Variants in LRRC72 observed in about 807,000 individuals in gnomAD.
LRRC72 encodes leucine rich repeat containing 72, also known as leucine-rich repeat-containing protein 72.
Under a neutral mutation model 35.8 loss-of-function variants are expected in LRRC72, and 41 were observed. The observed-to-expected ratio is 1.15, with a 90% confidence interval of 0.89 to 1.49. The LOEUF is 1.49. Among genes scored for constraint, LRRC72 ranks in the 40% most tolerant of loss-of-function variants. LRRC72 has a pLI of 0.00. For missense variants in LRRC72, 389 were observed against 330.7 expected (o/e 1.18, Z -1.37); for synonymous variants, 118 against 119.2 (o/e 0.99, Z 0.07).
rs990186442 is a variant in LRRC72 at position 16,532,391 on chromosome 7, C to G, written c.91-104C>G. 5 of 754,700 alleles carry G rather than the reference C, an allele frequency of 6.6e-6. No homozygotes were observed. In the African/African-American group the frequency reaches 8.7e-5, roughly 13 times the overall value. The allele number at this position is 754,700 out of a possible 1,614,324, so 46.8% of individuals were successfully genotyped here. A position where few individuals can be genotyped will look rare whatever the true frequency, so the allele number is the denominator to read the frequency against. On this transcript the variant is annotated intron_variant, in intron 1 of 8. Transcript: ENST00000401542. ...TTTAGAATGGTTACCTCCATATTCACCTTTCTTTTGATCTTCTTGTAGACG... is the reference window on the plus strand; with the variant it reads ...TTTAGAATGGTTACCTCCATATTCAGCTTTCTTTTGATCTTCTTGTAGACG...
At chr7:16,562,966 A>G (rs922551150) in intron 5 of LRRC72, among the ~76,000 whole-genome samples, 2 of 152,284 alleles carry the variant, frequency 1.3e-5, no homozygotes, top group East Asian at 3.9e-4. Flanking sequence ...CCAGATTTTT[A>G]GTTAAAACAA....
intron 3 of LRRC72, among the ~76,000 whole-genome samples, chr7:16,539,933 C>A (rs1782326747): frequency 6.6e-6 from 1 of 152,212 alleles, no homozygotes; most frequent in Non-Finnish European, 1.5e-5. Flanking sequence ...TTATGGAGAA[C>A]CTCCACTAGG....
intron 3 of LRRC72, among the ~76,000 whole-genome samples, chr7:16,556,827 A>G (rs994589676): frequency 5.3e-5 from 8 of 152,230 alleles, no homozygotes; most frequent in African/African-American, 1.9e-4. Context: ...CAGGCCACTC[A>G]TGCACGGTTT....
chr7:16,541,377 T>C (rs541266707), intron 3 of LRRC72, among the ~76,000 whole-genome samples: 1 of 152,240 alleles, frequency 6.6e-6, no homozygotes, highest in African/African-American at 2.4e-5. Context: ...ACTGAATCTG[T>C]AAACAGCCAT....
chr7:16,557,286 A>G (rs1291565544), intron 3 of LRRC72, 74 bp from the exon 4 acceptor site: 8 of 376,556 alleles, frequency 2.1e-5, no homozygotes, highest in Non-Finnish European at 2.8e-5. Context: ...ATTTATGTAT[A>G]TCAGGTTATT....
intron 7 of LRRC72, among the ~76,000 whole-genome samples, chr7:16,576,111 T>C (rs1473982111): frequency 6.6e-6 from 1 of 152,200 alleles, no homozygotes; most frequent in Non-Finnish European, 1.5e-5. Flanking sequence ...ATAGGACAAT[T>C]ATTATAAATC....
intron 4 of LRRC72, among the ~76,000 whole-genome samples, chr7:16,558,069 G>A (rs770531323): frequency 3.3e-5 from 5 of 152,198 alleles, no homozygotes; most frequent in Non-Finnish European, 7.3e-5. Flanking sequence ...TTTCATTTAT[G>A]TTAAAAATGT....
At chr7:16,540,057 C>A (rs1782329025) in intron 3 of LRRC72, among the ~76,000 whole-genome samples, 1 of 152,156 alleles carries the variant, frequency 6.6e-6, no homozygotes, top group African/African-American at 2.4e-5. Flanking sequence ...AGAATGGTAG[C>A]TTCACCGACA....
At chr7:16,568,481 G>C (rs1294539229) in intron 7 of LRRC72, among the ~76,000 whole-genome samples, 1 of 152,176 alleles carries the variant, frequency 6.6e-6, no homozygotes, top group Non-Finnish European at 1.5e-5. Context: ...ATTAGATATT[G>C]AGAAAAGGAG....
At chr7:16,580,504 C>T (rs533670652) in intron 8 of LRRC72, among the ~76,000 whole-genome samples, 1 of 152,140 alleles carries the variant, frequency 6.6e-6, no homozygotes, top group South Asian at 2.1e-4. Flanking sequence ...ATTGGCCTGG[C>T]ATGGTGGCAG....
Position 16,526,870 on chromosome 7 carries a change from T to C in LRRC72, c.-83T>C, listed in dbSNP as rs2128333598. 9.3e-7 allele frequency: 1 copy of C among 1,077,094 alleles called. No individual in the cohort carries two copies. Among genetic ancestry groups the C allele is most frequent in the Non-Finnish European group, 1.4e-6 (1 of 728,688 alleles). 66.7% of individuals were successfully genotyped at this position (1,077,094 alleles called of 1,614,324 possible). ...CTGTTGGTAACAGAACAACGAGCTG[T>C]GCACCAAGCCAAGTCTCTCTTCGGT... is the stretch of plus-strand genomic sequence containing the variant. On this transcript the variant is annotated 5_prime_UTR_variant, in exon 1 of 9. Coordinates refer to ENST00000401542, the MANE Select transcript of LRRC72 (RefSeq NM_001195280.2).
chr7:16,562,255 T>G (rs1782755915), intron 5 of LRRC72, among the ~76,000 whole-genome samples: 1 of 152,008 alleles, frequency 6.6e-6, no homozygotes, highest in Non-Finnish European at 1.5e-5. Flanking sequence ...CCTCTTCCCT[T>G]CCCTCCTCCA....
At chr7:16,580,987 C>A (rs961828428) in intron 8 of LRRC72, among the ~76,000 whole-genome samples, 2 of 151,988 alleles carry the variant, frequency 1.3e-5, no homozygotes, top group Non-Finnish European at 2.9e-5. Context: ...AATGAACTTA[C>A]AATAATAATA....
chr7:16,534,069 G>C (rs775206855), intron 2 of LRRC72, among the ~76,000 whole-genome samples: 23 of 152,168 alleles, frequency 1.5e-4, no homozygotes, highest in Non-Finnish European at 2.9e-4. Flanking sequence ...AGGACACTAA[G>C]TTACCATTTC....
chr7:16,571,723 C>A (rs954396299), intron 7 of LRRC72, among the ~76,000 whole-genome samples: 5 of 152,174 alleles, frequency 3.3e-5, no homozygotes, highest in African/African-American at 1.2e-4. Context: ...CCCTTGGGTG[C>A]CTACACCACC....
At chr7:16,569,570 T>A (rs2128338492) in intron 7 of LRRC72, among the ~76,000 whole-genome samples, 1 of 152,298 alleles carries the variant, frequency 6.6e-6, no homozygotes, top group Non-Finnish European at 1.5e-5. Flanking sequence ...GCAGACATCA[T>A]TACATTTCAC....
chr7:16,539,278 G>A (rs1161634103), intron 3 of LRRC72, among the ~76,000 whole-genome samples: 4 of 152,178 alleles, frequency 2.6e-5, no homozygotes, highest in Non-Finnish European at 1.5e-5. Flanking sequence ...CAAAGAAACT[G>A]GTGGCATTGT....
intron 1 of LRRC72, among the ~76,000 whole-genome samples, chr7:16,528,213 T>A (rs1037671559): frequency 8.5e-5 from 13 of 152,184 alleles, no homozygotes; most frequent in Non-Finnish European, 1.5e-4. Context: ...CATCCTCCTC[T>A]GTCTCCTTTC....
chr7:16,530,785 C>T (rs1437283913), intron 1 of LRRC72, among the ~76,000 whole-genome samples: 3 of 152,212 alleles, frequency 2.0e-5, no homozygotes, highest in Non-Finnish European at 4.4e-5. Flanking sequence ...ATAATTTTAA[C>T]AGATGGCTGC....
Sources: allele counts gnomAD v4.1 joint callset (sites outside exome capture counted in the v4.1 genomes callset), GRCh38; gene constraint gnomAD v4.1.1; transcripts MANE v1.5; gene names NCBI Gene and HGNC (gene_info 2026-07-23, HGNC 2026-07-21).